Variants in CTNNA2 observed in about 807,000 individuals in gnomAD.
The protein encoded by CTNNA2 is catenin alpha-2.
Under a neutral mutation model 101.0 loss-of-function variants are expected in CTNNA2, and 42 were observed. The ratio of observed to expected loss-of-function variants is 0.42; its 90% CI spans 0.32 to 0.54. The LOEUF (loss-of-function observed/expected upper bound fraction) is 0.54. Ranked by LOEUF, CTNNA2 falls within the 20% of genes least tolerant of loss-of-function variation. The pLI is 0.14. For synonymous variants in CTNNA2, 450 were observed against 456.4 expected (o/e 0.99, Z 0.18); for missense variants, 871 against 1,223.1 (o/e 0.71, Z 4.29).
chr2:79,198,808 C>A (rs916979488), intron 2 of CTNNA2, among the ~76,000 whole-genome samples: 9 of 132,324 alleles, frequency 6.8e-5, no homozygotes, highest in African/African-American at 1.4e-4. Context: ...AGTTTTCCGG[C>A]TGTTAAAATA....
intron 18 of CTNNA2, among the ~76,000 whole-genome samples, chr2:80,641,381 GAAA>G (rs755676853): frequency 6.6e-6 from 1 of 151,754 alleles, no homozygotes; most frequent in African/African-American, 2.4e-5. Flanking sequence ...CAGCTTTTTT[GAAA>G]AAAGACATAC....
intron 3 of CTNNA2, among the ~76,000 whole-genome samples, chr2:79,352,235 G>A (rs1021972681): frequency 6.6e-6 from 1 of 151,648 alleles, no homozygotes; most frequent in Non-Finnish European, 1.5e-5. Flanking sequence ...CTGGTTGGTA[G>A]GTTTTTTATT....
intron 9 of CTNNA2, among the ~76,000 whole-genome samples, chr2:80,446,284 G>A (rs1373635777): frequency 6.6e-6 from 1 of 152,100 alleles, no homozygotes; most frequent in Non-Finnish European, 1.5e-5. Context: ...TATGCCCCAG[G>A]TAAGGTTTAG....
At chr2:80,400,654 T>A (rs1427501269) in intron 8 of CTNNA2, among the ~76,000 whole-genome samples, 1 of 152,188 alleles carries the variant, frequency 6.6e-6, no homozygotes, top group African/African-American at 2.4e-5. Flanking sequence ...CCCACTGTGA[T>A]CCACTTTTCA....
intron 7 of CTNNA2, among the ~76,000 whole-genome samples, chr2:80,229,862 ATTAC>A (rs1407230319): frequency 6.6e-6 from 1 of 152,160 alleles, no homozygotes; most frequent in Non-Finnish European, 1.5e-5. Flanking sequence ...TATTGTTTGT[ATTAC>A]TTAGGAAATT....
chr2:79,227,408 T>G (rs1165078814), intron 2 of CTNNA2, among the ~76,000 whole-genome samples: 1 of 152,236 alleles, frequency 6.6e-6, no homozygotes, highest in Non-Finnish European at 1.5e-5. Flanking sequence ...ATGGCGATAT[T>G]CATTTCTATT....
chr2:80,629,231 G>A (rs890695850), intron 18 of CTNNA2, among the ~76,000 whole-genome samples: 3 of 152,254 alleles, frequency 2.0e-5, no homozygotes, highest in Non-Finnish European at 4.4e-5. Flanking sequence ...CATAACAGCA[G>A]TGAGCAACCA....
chr2:80,051,086 AC>A (rs1696850620), intron 7 of CTNNA2, among the ~76,000 whole-genome samples: 2 of 152,250 alleles, frequency 1.3e-5, no homozygotes, highest in African/African-American at 4.8e-5. Flanking sequence ...GTATAATGTT[AC>A]CATGAAATAC....
intron 4 of CTNNA2, among the ~76,000 whole-genome samples, chr2:79,468,051 G>A (rs1212792786): frequency 2.6e-5 from 4 of 152,076 alleles, no homozygotes; most frequent in African/African-American, 9.7e-5. Flanking sequence ...ATGTAAATGG[G>A]CTAAATGCTC....
chr2:79,860,917 A>G (rs570671804), intron 4 of CTNNA2, among the ~76,000 whole-genome samples: 81 of 152,358 alleles, frequency 5.3e-4, no homozygotes, highest in African/African-American at 1.8e-3. Flanking sequence ...GGACGGATAA[A>G]GTAACGTATT....
rs181300041 is a variant in CTNNA2 at position 79,262,643 on chromosome 2, C to T, written c.-405-50066C>T. 1.1e-4 allele frequency among the ~76,000 whole-genome samples: 17 copies of T among 152,164 alleles called. No homozygotes were observed. The East Asian group carries it at 2.3e-3, about 21-fold the overall frequency. ...ATCACCTGGGATCTGGTTTAAAATG[C>T]GAATTCTCAGGTCATGCTCCAGACC... On this transcript the variant is annotated intron_variant, in intron 2 of 21. Transcript: ENST00000466387.
intron 14 of CTNNA2, among the ~76,000 whole-genome samples, chr2:80,586,116 A>C (rs993969819): frequency 1.3e-5 from 2 of 152,164 alleles, no homozygotes; most frequent in African/African-American, 4.8e-5. Context: ...AAGCAGTCAA[A>C]AGATGTTTAT....
chr2:80,313,890 G>A (rs1381398902), intron 7 of CTNNA2, among the ~76,000 whole-genome samples: 2 of 152,200 alleles, frequency 1.3e-5, no homozygotes, highest in East Asian at 3.9e-4. Flanking sequence ...GGGCAGGGCA[G>A]CAGGTGCAAT....
chr2:79,845,911 GACCTCCC>G (rs1229135338), intron 3 of CTNNA2, among the ~76,000 whole-genome samples: 1 of 152,082 alleles, frequency 6.6e-6, no homozygotes, highest in Non-Finnish European at 1.5e-5. Flanking sequence ...GTGACGTGGG[GACCTCCC>G]ACAGTTTAGT....
In CTNNA2 at chr2:79,951,681, GATAAGTTAAA is replaced by G. The variant is rs779281962; in HGVS notation, c.1056+41889_1056+41898del. Among the ~76,000 whole-genome samples the G allele has an allele frequency of 1.2e-3, 138 of 118,636 alleles. No individual in the cohort carries two copies. In the Middle Eastern group the frequency reaches 0.016, roughly 14 times the overall value. 77.8% of individuals were successfully genotyped at this position (118,636 alleles called of 152,430 possible). On this transcript the variant is annotated intron_variant, in intron 7 of 18. Coordinates refer to ENST00000402739, the MANE Select transcript of CTNNA2 (RefSeq NM_001282597.3). ...CCCTGTCTCAAAAATTAAAAAATAA[GATAAGTTAAA>G]ATAAAATAAAATAAAATAAAATAAG...
rs139834113 is a variant in CTNNA2 at position 79,836,999 on chromosome 2, A to C, written c.299-21014A>C. ...ATATCTACAAAGACCCCTGTTTCCA[A>C]GTAAGGACGAATTCGTAAGTATTGG... On this transcript the variant is annotated intron_variant, in intron 3 of 18. Coordinates refer to ENST00000402739, the MANE Select transcript of CTNNA2 (RefSeq NM_001282597.3). Among the ~76,000 whole-genome samples the C allele has an allele frequency of 4.5e-3, 678 of 152,306 alleles. 4 individuals are homozygous for C. Among genetic ancestry groups the C allele is most frequent in the African/African-American group, 0.014 (593 of 41,556 alleles).
At chr2:80,642,352 T>C (rs543541761) in intron 18 of CTNNA2, among the ~76,000 whole-genome samples, 5 of 152,278 alleles carry the variant, frequency 3.3e-5, no homozygotes, top group Admixed American at 3.3e-4. Context: ...ACTAAAACAC[T>C]GTCATACAGT....
chr2:79,559,016 T>A (rs1461610090), intron 1 of CTNNA2, among the ~76,000 whole-genome samples: 1 of 151,882 alleles, frequency 6.6e-6, no homozygotes, highest in Non-Finnish European at 1.5e-5. Flanking sequence ...AAATATTTTA[T>A]TTTATCCTCG....
intron 4 of CTNNA2, among the ~76,000 whole-genome samples, chr2:79,414,224 T>C (rs1316200204): frequency 1.3e-5 from 2 of 151,978 alleles, no homozygotes; most frequent in Non-Finnish European, 1.5e-5. Flanking sequence ...CAACTAGGTT[T>C]CTCTCATCCC....
Sources: allele counts gnomAD v4.1 joint callset (sites outside exome capture counted in the v4.1 genomes callset), GRCh38; gene constraint gnomAD v4.1.1; transcripts MANE v1.5; gene names NCBI Gene and HGNC (gene_info 2026-07-23, HGNC 2026-07-21).